Variants in SGCZ observed in about 807,000 individuals in gnomAD.
The protein encoded by SGCZ is sarcoglycan zeta, also known as zeta-sarcoglycan.
Under a neutral mutation model 41.3 loss-of-function variants are expected in SGCZ, and 40 were observed. The observed-to-expected ratio is 0.97, with a 90% CI of 0.75 to 1.26. The LOEUF is 1.26. Ranked by LOEUF, SGCZ falls within the 50% of genes most tolerant of loss-of-function variation. SGCZ has a pLI of 0.00. For missense variants in SGCZ, 552 were observed against 369.8 expected, an observed-to-expected ratio of 1.49 and a Z score of -4.04; for synonymous variants, 206 against 137.5, an observed-to-expected ratio of 1.50 and a Z score of -3.49.
intron 1 of SGCZ, among the ~76,000 whole-genome samples, chr8:15,221,649 C>G (rs1299344583): frequency 6.6e-6 from 1 of 152,084 alleles, no homozygotes; most frequent in Non-Finnish European, 1.5e-5. Context: ...TACTGTTATG[C>G]AGTAGGAAGA....
intron 7 of SGCZ, among the ~76,000 whole-genome samples, chr8:14,095,080 A>T (rs937205894): frequency 6.6e-6 from 1 of 152,010 alleles, no homozygotes; most frequent in East Asian, 1.9e-4. Context: ...CAGGTTGCCT[A>T]TTCACTCTGA....
chr8:15,048,883 C>A (rs1460544994), intron 1 of SGCZ, among the ~76,000 whole-genome samples: 4 of 151,978 alleles, frequency 2.6e-5, no homozygotes, highest in Non-Finnish European at 5.9e-5. Flanking sequence ...ACACCCTGAC[C>A]ATCTTCCAAA....
intron 1 of SGCZ, among the ~76,000 whole-genome samples, chr8:14,727,051 A>G (rs1810078242): frequency 6.6e-6 from 1 of 152,196 alleles, no homozygotes; most frequent in South Asian, 2.1e-4. Context: ...AAATATTTTC[A>G]ATAAGCTTAT....
chr8:14,782,838 T>A (rs1800632255), intron 1 of SGCZ, among the ~76,000 whole-genome samples: 1 of 152,214 alleles, frequency 6.6e-6, no homozygotes, highest in African/African-American at 2.4e-5. Context: ...GATCTCAGAG[T>A]TATGCCATTA....
intron 1 of SGCZ, among the ~76,000 whole-genome samples, chr8:14,896,674 A>G (rs1309182090): frequency 6.6e-6 from 1 of 151,550 alleles, no homozygotes; most frequent in African/African-American, 2.4e-5. Flanking sequence ...ACGGGGTTTC[A>G]CCATGTTGGT....
intron 1 of SGCZ, among the ~76,000 whole-genome samples, chr8:14,660,116 C>T (rs915593185): frequency 1.2e-4 from 18 of 152,108 alleles, no homozygotes; most frequent in Admixed American, 5.2e-4. Context: ...TCCAGAACCA[C>T]GAGACAACAA....
intron 5 of SGCZ, among the ~76,000 whole-genome samples, chr8:14,135,173 A>G (rs1168100990): frequency 7.9e-5 from 12 of 152,232 alleles, no homozygotes. Context: ...ATAATAGAGT[A>G]CTAGGCATAT....
Position 14,834,477 on chromosome 8 carries a change from T to G in SGCZ, c.40-279551A>C, listed in dbSNP as rs117317482. Reference sequence around the variant, plus strand: ...TGAATGAGGTCCCTCCTTAACATAGTTGCTCAGGAATTCAGGCTGCCAAAG... The same window carrying G: ...TGAATGAGGTCCCTCCTTAACATAGGTGCTCAGGAATTCAGGCTGCCAAAG... On this transcript the variant is annotated intron_variant, in intron 1 of 7. Coordinates refer to ENST00000382080, the MANE Select transcript of SGCZ (RefSeq NM_139167.4). 5.6e-4 allele frequency among the ~76,000 whole-genome samples: 85 copies of G among 152,266 alleles called. No homozygotes were observed. The East Asian group carries it at 0.011, about 20-fold the overall frequency.
intron 4 of SGCZ, among the ~76,000 whole-genome samples, chr8:14,222,104 A>C (rs1002923252): frequency 6.6e-6 from 1 of 152,086 alleles, no homozygotes; most frequent in Non-Finnish European, 1.5e-5. Flanking sequence ...CTCCAATGAG[A>C]TGGTACTTTA....
At chr8:14,264,242 G>A (rs1003042733) in intron 3 of SGCZ, among the ~76,000 whole-genome samples, 3 of 152,162 alleles carry the variant, frequency 2.0e-5, no homozygotes, top group Non-Finnish European at 2.9e-5. Context: ...TCAATTTTAG[G>A]CAGCACAGCA....
chr8:14,735,064 G>C (rs1170014661), intron 1 of SGCZ, among the ~76,000 whole-genome samples: 1 of 152,152 alleles, frequency 6.6e-6, no homozygotes, highest in Non-Finnish European at 1.5e-5. Flanking sequence ...CACAAAGACT[G>C]AGTGCAGGAG....
At chr8:14,788,145 A>G (rs1800831513) in intron 1 of SGCZ, among the ~76,000 whole-genome samples, 1 of 152,188 alleles carries the variant, frequency 6.6e-6, no homozygotes, top group South Asian at 2.1e-4. Flanking sequence ...ATATATTTTT[A>G]GTCAAAATTT....
intron 5 of SGCZ, among the ~76,000 whole-genome samples, chr8:14,160,278 G>A (rs746742894): frequency 7.9e-5 from 12 of 152,092 alleles, no homozygotes; most frequent in East Asian, 3.9e-4. Flanking sequence ...TGGCTTATTC[G>A]TGAAATTTGT....
chr8:14,595,638 C>G (rs1805386795), intron 1 of SGCZ, among the ~76,000 whole-genome samples: 1 of 152,152 alleles, frequency 6.6e-6, no homozygotes, highest in Non-Finnish European at 1.5e-5. Context: ...CCCTTCCCTC[C>G]TTTTATGAGG....
intron 1 of SGCZ, among the ~76,000 whole-genome samples, chr8:14,760,923 G>A (rs1317654268): frequency 6.6e-6 from 1 of 152,154 alleles, no homozygotes; most frequent in African/African-American, 2.4e-5. Context: ...GGTCTCAGAA[G>A]CTCAAGGTAT....
intron 1 of SGCZ, among the ~76,000 whole-genome samples, chr8:14,792,339 T>C (rs1178138519): frequency 1.3e-5 from 2 of 152,148 alleles, no homozygotes; most frequent in African/African-American, 2.4e-5. Context: ...TGTTTCCACA[T>C]ATCGCTCAGG....
At chr8:14,095,197 G>A (rs1585128315) in intron 7 of SGCZ, among the ~76,000 whole-genome samples, 1 of 152,180 alleles carries the variant, frequency 6.6e-6, no homozygotes, top group South Asian at 2.1e-4. Flanking sequence ...TGAAGTCTTT[G>A]CCCGTGCCTA....
intron 1 of SGCZ, among the ~76,000 whole-genome samples, chr8:14,784,780 T>C (rs568757906): frequency 1.0e-3 from 150 of 150,504 alleles, no homozygotes; most frequent in African/African-American, 3.5e-3. Context: ...CGTATGCCTG[T>C]AATCCCAGCT....
intron 3 of SGCZ, among the ~76,000 whole-genome samples, chr8:14,316,427 T>C (rs1440968997): frequency 3.3e-5 from 5 of 151,880 alleles, no homozygotes; most frequent in African/African-American, 1.2e-4. Flanking sequence ...AATGATAAAA[T>C]CATCTTGATA....
Sources: gnomAD v4.1 joint callset for allele counts (sites outside exome capture counted in the v4.1 genomes callset) on GRCh38, gnomAD v4.1.1 for gene constraint, MANE v1.5 for transcripts, NCBI Gene and HGNC (gene_info 2026-07-23, HGNC 2026-07-21) for gene names.